Variants in ATP8B4 observed in about 807,000 individuals in gnomAD.
ATP8B4 encodes the protein probable phospholipid-transporting ATPase IM.
ATP8B4 carries 133 observed loss-of-function variants against 145.6 expected under a neutral mutation model. That is an observed-to-expected ratio of 0.91 (90% CI 0.79 to 1.05). The LOEUF (loss-of-function observed/expected upper bound fraction) is 1.05, where lower values mean the gene tolerates loss of function less well. ATP8B4 is among the 50% of genes least tolerant of loss of function. The pLI is 0.00. For synonymous variants in ATP8B4, 507 were observed against 492.9 expected (o/e 1.03, Z -0.38); for missense variants, 1,458 against 1,425.2 (o/e 1.02, Z -0.37).
chr15:50,036,480 A>G (rs1182411447), intron 6 of ATP8B4, among the ~76,000 whole-genome samples: 1 of 152,182 alleles, frequency 6.6e-6, no homozygotes, highest in Non-Finnish European at 1.5e-5. Flanking sequence ...AGACAGGGAG[A>G]TCTGGGCAGA....
intron 8 of ATP8B4, among the ~76,000 whole-genome samples, chr15:49,997,541 T>C (rs937941710): frequency 1.3e-5 from 2 of 152,046 alleles, no homozygotes; most frequent in Non-Finnish European, 2.9e-5. Flanking sequence ...CAACAAATAT[T>C]GATTAAATAC....
At chr15:49,874,357 G>A (rs1364118519) in intron 25 of ATP8B4, among the ~76,000 whole-genome samples, 1 of 152,210 alleles carries the variant, frequency 6.6e-6, no homozygotes, top group Non-Finnish European at 1.5e-5. Flanking sequence ...AGAGAAGAAT[G>A]TTCCAGGCAG....
intron 1 of ATP8B4, among the ~76,000 whole-genome samples, chr15:50,126,536 C>T (rs184000991): frequency 6.6e-6 from 1 of 152,184 alleles, no homozygotes; most frequent in Non-Finnish European, 1.5e-5. Flanking sequence ...GGTCATATGT[C>T]AAGATGTTAT....
intron 14 of ATP8B4, among the ~76,000 whole-genome samples, chr15:49,942,392 A>G (rs1314752569): frequency 6.6e-6 from 1 of 152,030 alleles, no homozygotes; most frequent in Non-Finnish European, 1.5e-5. Flanking sequence ...CTATAAAGCA[A>G]TAACACAAGA....
chr15:49,941,157 A>G (rs1450127947), intron 14 of ATP8B4, among the ~76,000 whole-genome samples: 2 of 152,156 alleles, frequency 1.3e-5, no homozygotes, highest in Admixed American at 6.6e-5. Context: ...GAGCACTCAC[A>G]GTGGTTAAAA....
intron 14 of ATP8B4, among the ~76,000 whole-genome samples, chr15:49,948,116 A>T (rs970347325): frequency 6.6e-6 from 1 of 152,102 alleles, no homozygotes; most frequent in Non-Finnish European, 1.5e-5. Flanking sequence ...AAGCAAAAAC[A>T]AATAAGTGGA....
At position 49,996,660 on chromosome 15, in the gene ATP8B4, CT is replaced by C; in HGVS notation, c.589+16del. 6.4e-7 allele frequency: 1 copy of C among 1,559,536 alleles called. No individual in the cohort carries two copies. Among genetic ancestry groups the C allele is most frequent in the Non-Finnish European group, 8.8e-7 (1 of 1,138,394 alleles). The stretch of plus-strand genomic sequence containing the variant: ...GGGTTTGAGGTTTTTGTTTGTTTAT[CT>C]GTTTAAAATACTTACCATCAAACCC... On this transcript the variant is annotated intron_variant, in intron 9 of 27. Transcript: ENST00000284509.
At chr15:49,863,665 C>G (rs1303058832) in intron 26 of ATP8B4, among the ~76,000 whole-genome samples, 1 of 152,138 alleles carries the variant, frequency 6.6e-6, no homozygotes. Context: ...GCAGCTGATT[C>G]CAGTTGCCTT....
At chr15:50,133,286 A>G (rs968329556) in intron 1 of ATP8B4, among the ~76,000 whole-genome samples, 8 of 152,202 alleles carry the variant, frequency 5.3e-5, no homozygotes, top group Admixed American at 1.3e-4. Flanking sequence ...GAAATCTAAA[A>G]AAGTCAAACT....
At chr15:49,930,391 A>G (rs2041141024) in intron 16 of ATP8B4, among the ~76,000 whole-genome samples, 1 of 152,078 alleles carries the variant, frequency 6.6e-6, no homozygotes, top group Non-Finnish European at 1.5e-5. Context: ...AAGGTTTAGA[A>G]TATCTATTGT....
At chr15:50,033,853 ACCCTC>A (rs986688996) in intron 6 of ATP8B4, among the ~76,000 whole-genome samples, 11 of 152,062 alleles carry the variant, frequency 7.2e-5, no homozygotes, top group African/African-American at 2.4e-4. Flanking sequence ...TTAGGATAAT[ACCCTC>A]CAGCAGCATC....
intron 2 of ATP8B4, among the ~76,000 whole-genome samples, chr15:50,076,744 T>C (rs904558099): frequency 1.3e-5 from 2 of 152,196 alleles, no homozygotes; most frequent in African/African-American, 2.4e-5. Flanking sequence ...CTACTAATTA[T>C]CATCTTTCTG....
chr15:49,944,720 A>G (rs2042425921), intron 14 of ATP8B4, among the ~76,000 whole-genome samples: 2 of 152,182 alleles, frequency 1.3e-5, no homozygotes, highest in African/African-American at 2.4e-5. Flanking sequence ...TGGACCCAAC[A>G]TATATACAAC....
At chr15:49,861,945 T>C (rs1333980889) in intron 27 of ATP8B4, among the ~76,000 whole-genome samples, 3 of 152,220 alleles carry the variant, frequency 2.0e-5, no homozygotes, top group Admixed American at 2.0e-4. Context: ...TTGGAAAAAT[T>C]GTCCAAAATG....
chr15:49,990,350 CAT>C (rs1400888446), intron 9 of ATP8B4, among the ~76,000 whole-genome samples: 1 of 152,148 alleles, frequency 6.6e-6, no homozygotes, highest in African/African-American at 2.4e-5. Context: ...TCATTTCTCA[CAT>C]AGTCATTTAC....
intron 25 of ATP8B4, among the ~76,000 whole-genome samples, chr15:49,873,698 G>A (rs187675192): frequency 3.3e-4 from 50 of 152,228 alleles, no homozygotes; most frequent in Admixed American, 1.8e-3. Context: ...AGGCTCCACA[G>A]GTACATACAT....
chr15:50,008,740 A>T (rs2048499613), intron 7 of ATP8B4, among the ~76,000 whole-genome samples: 1 of 152,186 alleles, frequency 6.6e-6, no homozygotes, highest in African/African-American at 2.4e-5. Context: ...CATAGATTTG[A>T]CTGCTGCTTT....
At chr15:49,978,411 G>A (rs577742460) in intron 12 of ATP8B4, among the ~76,000 whole-genome samples, 1 of 152,138 alleles carries the variant, frequency 6.6e-6, no homozygotes, top group Non-Finnish European at 1.5e-5. Flanking sequence ...GTGGCCACAT[G>A]CCACTACTTC....
At chr15:50,012,822 T>C (rs1014018353) in intron 6 of ATP8B4, among the ~76,000 whole-genome samples, 1 of 152,184 alleles carries the variant, frequency 6.6e-6, no homozygotes, top group Non-Finnish European at 1.5e-5. Context: ...GATTTGAATA[T>C]ATCCCTGTAG....
Sources: allele counts gnomAD v4.1 joint callset (sites outside exome capture counted in the v4.1 genomes callset), GRCh38; gene constraint gnomAD v4.1.1; transcripts MANE v1.5; gene names NCBI Gene and HGNC (gene_info 2026-07-23, HGNC 2026-07-21).